The following ABCD3 variants were observed in gnomAD, a reference collection of about 807,000 sequenced individuals.
The protein encoded by ABCD3 is ATP binding cassette subfamily D member 3, also known as ATP-binding cassette sub-family D member 3.
A neutral mutation model predicts 105.5 loss-of-function variants in ABCD3; 41 were observed. The ratio of observed to expected loss-of-function variants is 0.39; its 90% CI spans 0.30 to 0.50. The LOEUF (loss-of-function observed/expected upper bound fraction) is 0.50. ABCD3 is among the 20% of genes least tolerant of loss of function. The probability of loss-of-function intolerance (pLI) is 0.84; values close to 1 mark genes in which losing one functional copy is unlikely to be tolerated. For synonymous variants in ABCD3, 258 were observed against 269.0 expected (o/e 0.96, Z 0.40); for missense variants, 622 against 806.3 (o/e 0.77, Z 2.77).
chr1:94,492,454 C>T (rs555364847), intron 16 of ABCD3, among the ~76,000 whole-genome samples: 1 of 152,216 alleles, frequency 6.6e-6, no homozygotes, highest in South Asian at 2.1e-4. Flanking sequence ...TGAACTTATT[C>T]AACAATGAGT....
Position 94,511,967 on chromosome 1 carries a change from C to T in ABCD3, c.1846-3179C>T, listed in dbSNP as rs1179814482. On this transcript the variant is annotated intron_variant, in intron 21 of 22. Coordinates refer to ENST00000370214, the MANE Select transcript of ABCD3 (RefSeq NM_002858.4). ...CTCCCGTAGCTCGGAGTAATTTGAT[C>T]GTCTGAAGCCTTCTTCTCTCAGCTC... is the stretch of plus-strand genomic sequence containing the variant. 2.6e-5 allele frequency among the ~76,000 whole-genome samples: 4 copies of T among 152,066 alleles called. 1 individual carries two copies. In the South Asian group the frequency reaches 8.3e-4, roughly 31 times the overall value.
chr1:94,436,302 T>G (rs1255616449), intron 1 of ABCD3, among the ~76,000 whole-genome samples: 2 of 152,268 alleles, frequency 1.3e-5, no homozygotes, highest in African/African-American at 4.8e-5. Flanking sequence ...CTGATAATCC[T>G]GATTCTCAAA....
intron 7 of ABCD3, among the ~76,000 whole-genome samples, chr1:94,477,502 T>C (rs1648818158): frequency 6.6e-6 from 1 of 151,938 alleles, no homozygotes. Flanking sequence ...AATGTGCGCC[T>C]GTACTCCCAG....
chr1:94,434,795 G>T (rs1003147156), intron 1 of ABCD3, among the ~76,000 whole-genome samples: 2 of 152,150 alleles, frequency 1.3e-5, no homozygotes, highest in Non-Finnish European at 2.9e-5. Context: ...CCCAGATCAA[G>T]AAATAAATCT....
At chr1:94,406,025 C>T in the ABCD3 span, among the ~76,000 whole-genome samples, 1 of 150,956 alleles carries the variant, frequency 6.6e-6, no homozygotes, top group Admixed American at 6.6e-5. Context: ...AGGTATTTAC[C>T]CATGTTTTCT....
At chr1:94,454,076 A>G (rs965666943) in intron 1 of ABCD3, among the ~76,000 whole-genome samples, 1 of 151,808 alleles carries the variant, frequency 6.6e-6, no homozygotes, top group African/African-American at 2.4e-5. Flanking sequence ...GTACTTGGGT[A>G]TATTCAGTAT....
chr1:94,402,341 C>T, the ABCD3 span, among the ~76,000 whole-genome samples: 1 of 152,106 alleles, frequency 6.6e-6, no homozygotes, highest in African/African-American at 2.4e-5. Flanking sequence ...AGTTACAAAG[C>T]TTAAAATGGC....
chr1:94,489,608 CTG>C (rs1374241793), intron 13 of ABCD3, 115 bp from the exon 14 acceptor site: 1 of 750,746 alleles, frequency 1.3e-6, no homozygotes, highest in Non-Finnish European at 2.4e-6. Context: ...GTTGATGAGA[CTG>C]TTAGGTTACT....
At chr1:94,506,343 C>A (rs1199144112) in intron 20 of ABCD3, among the ~76,000 whole-genome samples, 195 bp from the exon 21 acceptor site, 1 of 152,126 alleles carries the variant, frequency 6.6e-6, no homozygotes, top group East Asian at 1.9e-4. Context: ...TACGTTTTTC[C>A]CTTTGTTCAG....
At chr1:94,473,871 G>A (rs1480873816) in intron 5 of ABCD3, 36 bp downstream of exon 5, 3 of 1,512,066 alleles carry the variant, frequency 2.0e-6, no homozygotes, top group African/African-American at 1.4e-5. Flanking sequence ...TTTAACACGG[G>A]AAATTTGCAT....
chr1:94,486,198 T>C (rs11165149), intron 10 of ABCD3, among the ~76,000 whole-genome samples: 54,790 of 151,690 alleles, frequency 0.36, 11,433 homozygotes, highest in Middle Eastern at 0.55. Flanking sequence ...TCTCAAAAAG[T>C]AAATAAAGTG....
intron 1 of ABCD3, among the ~76,000 whole-genome samples, chr1:94,426,882 G>A (rs550625204): frequency 2.4e-4 from 35 of 146,514 alleles, no homozygotes; most frequent in African/African-American, 8.6e-4. Context: ...AAACCTGGGT[G>A]CAGGTCTTTA....
chr1:94,385,755 C>A, the ABCD3 span, among the ~76,000 whole-genome samples: 7 of 152,298 alleles, frequency 4.6e-5, no homozygotes, highest in Non-Finnish European at 7.3e-5. Context: ...AGAACTGTCA[C>A]CCTAACCCAA....
chr1:94,475,841 A>T, intron 7 of ABCD3, 104 bp downstream of exon 7: 1 of 884,564 alleles, frequency 1.1e-6, no homozygotes, highest in Non-Finnish European at 1.8e-6. Context: ...AGCAGCATGT[A>T]AATATTTAAT....
At chr1:94,511,908 A>G (rs1368637888) in intron 21 of ABCD3, among the ~76,000 whole-genome samples, 1 of 151,994 alleles carries the variant, frequency 6.6e-6, no homozygotes, top group East Asian at 1.9e-4. Context: ...CTTTTTTCAA[A>G]GTTTTCAGCT....
rs1659995437 is a variant in ABCD3, at chr1:94,438,344, A to AC, written c.110+19756_110+19757insC. Among the ~76,000 whole-genome samples, 60 of 146,200 alleles carry AC rather than the reference A, an allele frequency of 4.1e-4. 1 individual carries two copies. Among genetic ancestry groups the AC allele is most frequent in the Admixed American group, 1.0e-3 (15 of 14,756 alleles). ...CACACACACACACACACACACACAC[A>AC]AACTTGAAAGGATGAAGAGTTGCCT... is the stretch of plus-strand genomic sequence containing the variant. On this transcript the variant is annotated intron_variant, in intron 1 of 22. Transcript: ENST00000370214.
At chr1:94,507,259 C>T (rs985957200) in intron 21 of ABCD3, among the ~76,000 whole-genome samples, 4 of 151,834 alleles carry the variant, frequency 2.6e-5, no homozygotes, top group East Asian at 1.9e-4. Flanking sequence ...TTTGTTCTTG[C>T]GAAAGTTTAC....
At chr1:94,433,621 A>G (rs1358214604) in intron 1 of ABCD3, among the ~76,000 whole-genome samples, 5 of 147,426 alleles carry the variant, frequency 3.4e-5, no homozygotes, top group Non-Finnish European at 7.5e-5. Context: ...TTGTAACACA[A>G]TGGTCAGTTT....
the ABCD3 span, among the ~76,000 whole-genome samples, chr1:94,407,283 T>C: frequency 6.6e-6 from 1 of 152,126 alleles, no homozygotes; most frequent in Non-Finnish European, 1.5e-5. Context: ...CCCGAGTAGC[T>C]GGAATTACAA....
Sources: gnomAD v4.1 joint callset for allele counts (sites outside exome capture counted in the v4.1 genomes callset) on GRCh38, gnomAD v4.1.1 for gene constraint, MANE v1.5 for transcripts, NCBI Gene and HGNC (gene_info 2026-07-23, HGNC 2026-07-21) for gene names.